Variants in GPI observed in about 807,000 individuals in gnomAD.
GPI encodes the protein D-hexose-6-phosphate anomerase.
In GPI, 56 loss-of-function variants were observed where a neutral mutation model predicts 75.8. The ratio of observed to expected loss-of-function variants is 0.74; its 90% CI spans 0.60 to 0.92. The LOEUF (loss-of-function observed/expected upper bound fraction) is 0.92. Among genes scored for constraint, GPI ranks in the 40% least tolerant of loss-of-function variants. GPI has a pLI of 0.00. For synonymous variants in GPI, 288 were observed against 285.4 expected (o/e 1.01, Z -0.09); for missense variants, 638 against 741.0 (o/e 0.86, Z 1.61).
chr19:34,384,355 A>G (rs1036730816), intron 9 of GPI, among the ~76,000 whole-genome samples: 2 of 152,164 alleles, frequency 1.3e-5, no homozygotes, highest in East Asian at 3.8e-4. Flanking sequence ...GGTGAGACAC[A>G]GGTATGTATT....
In GPI at chr19:34,378,988, C is replaced by A. The variant is rs1182359322; in HGVS notation, c.688C>A (p.Leu230Ile). Residue 230 changes from leucine to isoleucine, a missense_variant, in exon 7 of 18, where the codon CTC becomes ATC. Coordinates refer to ENST00000356487, the MANE Select transcript of GPI (RefSeq NM_000175.5). Reference protein sequence around the residue: ...TNAETAKEWFLQAAKDPSAVA... With the variant: ...TNAETAKEWFIQAAKDPSAVA... Reference sequence around the variant, plus strand: ...TGCAGAGACGGCGAAGGAGTGGTTTCTCCAGGCGGCCAAGGATGTGAGTGG... The same window carrying A: ...TGCAGAGACGGCGAAGGAGTGGTTTATCCAGGCGGCCAAGGATGTGAGTGG... The A allele has an allele frequency of 1.2e-6, 2 of 1,614,062 alleles. No individual in the cohort carries two copies. The highest frequency in any genetic ancestry group is 2.7e-5 in the African/African-American group (2 of 74,940).
chr19:34,396,376 T>TG lies in GPI; in HGVS notation c.1144dup (p.Glu382GlyfsTer24). On this transcript the variant is annotated frameshift_variant, in exon 13 of 18. Transcript: ENST00000356487. LOFTEE classifies it high-confidence loss of function. ...GGACCACCAGACAGGCCCCATTGTG[T>TG]GGGGGGAGCCAGGGACCAATGGCCA... is the stretch of plus-strand genomic sequence containing the variant. The TG allele has an allele frequency of 6.2e-7, 1 of 1,614,014 alleles. No individual in the cohort carries two copies. The highest frequency in any genetic ancestry group is 8.5e-7 in the Non-Finnish European group (1 of 1,180,002).
chr19:34,376,738 T>C (rs2074542663), intron 4 of GPI, among the ~76,000 whole-genome samples: 1 of 151,696 alleles, frequency 6.6e-6, no homozygotes, highest in Non-Finnish European at 1.5e-5. Flanking sequence ...GCCTGGCCCC[T>C]AAGGCACAGT....
At chr19:34,397,260 G>C (rs1399003734) in intron 14 of GPI, 1 of 156,130 alleles carries the variant, frequency 6.4e-6, no homozygotes, top group Non-Finnish European at 1.4e-5. Context: ...TCAGGTGGTT[G>C]GCAGAATTCA....
At chr19:34,388,776 C>G (rs1012169231) in intron 9 of GPI, among the ~76,000 whole-genome samples, 15 of 152,116 alleles carry the variant, frequency 9.9e-5, no homozygotes, top group African/African-American at 3.6e-4. Context: ...AGCCAGAGGG[C>G]TGGCTGTGTG....
chr19:34,378,733 G>A (rs914665631), intron 6 of GPI, among the ~76,000 whole-genome samples: 1 of 152,140 alleles, frequency 6.6e-6, no homozygotes, highest in Admixed American at 6.5e-5. Context: ...CTTAGGGTTG[G>A]GGGGTGTGTT....
upstream of GPI, chr19:34,365,081 C>T (rs1019455803): frequency 6.8e-7 from 1 of 1,469,422 alleles, no homozygotes; most frequent in African/African-American, 1.4e-5. Context: ...TCAGCGGGCA[C>T]CCGGCCTGGG....
At chr19:34,390,880 C>CTGTGT (rs2074814854) in intron 9 of GPI, among the ~76,000 whole-genome samples, 1 of 135,050 alleles carries the variant, frequency 7.4e-6, no homozygotes, top group Admixed American at 7.4e-5. Context: ...CTGGGTCTTC[C>CTGTGT]CGTGTCTGAG....
intron 9 of GPI, among the ~76,000 whole-genome samples, chr19:34,386,154 G>A (rs1377807226): frequency 6.6e-6 from 1 of 151,996 alleles, no homozygotes; most frequent in Non-Finnish European, 1.5e-5. Context: ...CACTAGGTGT[G>A]GTCTGAGAAC....
chr19:34,398,956 C>T (rs978738558), intron 14 of GPI: 27 of 357,014 alleles, frequency 7.6e-5, no homozygotes, highest in South Asian at 5.8e-4. Flanking sequence ...CCATCCGCCT[C>T]GGCCTCCCAA....
At position 34,377,602 on chromosome 19, in the gene GPI, C is replaced by T; in HGVS notation, c.486+16C>T. 6.2e-7 allele frequency: 1 copy of T among 1,605,570 alleles called. No homozygotes were observed. Among genetic ancestry groups the T allele is most frequent in the South Asian group, 1.1e-5 (1 of 90,902 alleles). ...CTCCGACCTGGTGAGGAGAAAACTG[C>T]CTTGGGGTAGGGTGGGAGTCTGGGC... is the stretch of plus-strand genomic sequence containing the variant. On this transcript the variant is annotated intron_variant, in intron 5 of 17. Transcript: ENST00000356487.
In GPI at chr19:34,393,539, C is replaced by A; in HGVS notation, c.866-189C>A. The A allele has an allele frequency of 1.4e-6, 1 of 713,092 alleles. No individual in the cohort carries two copies. The highest frequency in any genetic ancestry group is 2.5e-6 in the Non-Finnish European group (1 of 402,798). 44.2% of individuals were successfully genotyped at this position (713,092 alleles called of 1,614,324 possible). A position where few individuals can be genotyped will look rare whatever the true frequency, so the allele number is the denominator to read the frequency against. On this transcript the variant is annotated intron_variant, in intron 10 of 17. Transcript: ENST00000356487. The surrounding 1 kb of genome is among the most constrained non-coding windows in gnomAD (Gnocchi z 4.4). ...AACTGCAGTCCTGTTTCTCTCCTAT[C>A]CTAGGCAGAGTCAGATCCCTGCACT...
At chr19:34,371,920 C>T (rs550454364) in intron 4 of GPI, among the ~76,000 whole-genome samples, 6 of 150,550 alleles carry the variant, frequency 4.0e-5, no homozygotes, top group African/African-American at 9.7e-5. Flanking sequence ...CTTTGACAGT[C>T]GGGAAAGGAG....
chr19:34,387,480 C>T (rs1045790650), intron 9 of GPI, among the ~76,000 whole-genome samples: 1 of 151,814 alleles, frequency 6.6e-6, no homozygotes, highest in African/African-American at 2.4e-5. Context: ...GATCCAGGCT[C>T]AGTGCTGGCA....
At chr19:34,369,635 C>T (rs557703156) in intron 4 of GPI, among the ~76,000 whole-genome samples, 11 of 151,450 alleles carry the variant, frequency 7.3e-5, no homozygotes, top group South Asian at 2.1e-4. Context: ...TGAACCCGTG[C>T]GGCAGAGGTT....
upstream of GPI, among the ~76,000 whole-genome samples, chr19:34,362,628 A>C (rs1355678337): frequency 6.6e-6 from 1 of 152,152 alleles, no homozygotes; most frequent in Non-Finnish European, 1.5e-5. Flanking sequence ...CTCCAAACAG[A>C]CACTAAAGGG....
chr19:34,390,043 T>C (rs1344248560), intron 9 of GPI, among the ~76,000 whole-genome samples: 1 of 152,126 alleles, frequency 6.6e-6, no homozygotes, highest in Non-Finnish European at 1.5e-5. Context: ...CAAGCCCAGA[T>C]ATGACCCACT....
chr19:34,377,428 C>G (rs533135679), intron 4 of GPI, 75 bp from the exon 5 acceptor site: 2 of 1,079,532 alleles, frequency 1.9e-6, no homozygotes, highest in African/African-American at 3.2e-5. Context: ...TACCAGGACA[C>G]GGCAGTAATG....
rs2074896177 is a variant in GPI, at chr19:34,393,465, G to T, written c.865+157G>T. On this transcript the variant is annotated intron_variant, in intron 10 of 17. Transcript: ENST00000356487. This position sits in a 1 kb window ranked among gnomAD's most constrained non-coding sequence, Gnocchi z 4.4. ...TATTTATTTCATGTCCAGAAGGAAG[G>T]TCTGGGTTTTTTTGCGTGTGCAAGT... is the stretch of plus-strand genomic sequence containing the variant. 5.1e-6 allele frequency: 4 copies of T among 784,576 alleles called. No individual in the cohort carries two copies. The allele number at this position is 784,576 out of a possible 1,614,324, so 48.6% of individuals were successfully genotyped here.
Sources: allele counts gnomAD v4.1 joint callset (sites outside exome capture counted in the v4.1 genomes callset), GRCh38; gene constraint gnomAD v4.1.1; non-coding constraint Gnocchi (gnomAD v3.1); transcripts MANE v1.5; gene names NCBI Gene and HGNC (gene_info 2026-07-23, HGNC 2026-07-21).